MYO16: variants seen among roughly 807,000 people sequenced by gnomAD.
The protein encoded by MYO16 is unconventional myosin-XVI.
Under a neutral mutation model 205.3 loss-of-function variants are expected in MYO16, and 94 were observed. The ratio of observed to expected loss-of-function variants is 0.46; its 90% confidence interval spans 0.39 to 0.54. The LOEUF (loss-of-function observed/expected upper bound fraction) is 0.54, where lower values mean the gene tolerates loss of function less well. MYO16 is among the 20% of genes least tolerant of loss of function. The pLI is 0.00. For synonymous variants in MYO16, 988 were observed against 954.0 expected (o/e 1.04, Z -0.66); for missense variants, 2,315 against 2,387.5 (o/e 0.97, Z 0.63).
chr13:108,712,697 C>T lies in MYO16; in HGVS notation c.329C>T (p.Thr110Ile), dbSNP rs1241796663. Residue 110 changes from threonine (T) to isoleucine (I), a missense_variant, in exon 3 of 35, where the codon ACC becomes ATC. Transcript: ENST00000457511. ...CTGAAGGAGGGGGCAGACCCCCACACCCTCGTCTCCTCGGGAGGGTCCCTG... is the reference window on the plus strand; with the variant it reads ...CTGAAGGAGGGGGCAGACCCCCACATCCTCGTCTCCTCGGGAGGGTCCCTG... ...RLLKEGADPH[T>I]LVSSGGSLLH... The T allele has an allele frequency of 2.4e-5, 39 of 1,614,018 alleles. No homozygotes were observed. The highest frequency in any genetic ancestry group is 3.2e-5 in the Non-Finnish European group (38 of 1,179,994).
chr13:108,704,645 A>G lies in MYO16; in HGVS notation c.293-8016A>G, dbSNP rs182334958. ...CCTGTTATTAATCTCCCCCACCTGA[A>G]TGGTACACGTTTTACAATTGATAAA... On this transcript the variant is annotated intron_variant, in intron 2 of 34. Coordinates refer to ENST00000457511, the MANE Select transcript of MYO16 (RefSeq NM_001198950.3). Among the ~76,000 whole-genome samples the G allele has an allele frequency of 3.1e-4, 47 of 152,246 alleles. 1 individual carries two copies. In the East Asian group the frequency reaches 8.9e-3, roughly 29 times the overall value.
chr13:109,023,641 A>ATATGTATATATG (rs1886213221), intron 23 of MYO16, among the ~76,000 whole-genome samples: 2 of 108,668 alleles, frequency 1.8e-5, no homozygotes, highest in African/African-American at 3.2e-5. Context: ...AAATATATAT[A>ATATGTATATATG]CAAATATATG....
At chr13:108,672,339 A>T (rs1027000832) in intron 2 of MYO16, among the ~76,000 whole-genome samples, 1 of 152,220 alleles carries the variant, frequency 6.6e-6, no homozygotes, top group African/African-American at 2.4e-5. Flanking sequence ...ATAAGAAAAA[A>T]GTTTCCATTT....
rs141093960 is a variant in MYO16 at position 108,607,452 on chromosome 13, G to T, written c.-39+11213G>T. On this transcript the variant is annotated intron_variant, in intron 1 of 24. Transcript: ENST00000251041. ...CAGTGAGTGAATTATGAGATCTGAT[G>T]ATTTTATAAGGGGCTTTTCCTGCTT... is the stretch of plus-strand genomic sequence containing the variant. Among the ~76,000 whole-genome samples the T allele has an allele frequency of 2.6e-5, 4 of 152,240 alleles. No individual in the cohort carries two copies. The East Asian group carries it at 7.7e-4, about 29-fold the overall frequency.
the MYO16 span, among the ~76,000 whole-genome samples, chr13:108,511,475 T>C: frequency 0.014 from 222 of 15,312 alleles, 7 homozygotes; most frequent in South Asian, 0.048. Context: ...CTCTTTAGTT[T>C]AATTAGATCC....
At chr13:108,593,948 C>T (rs1878469623), upstream of MYO16, among the ~76,000 whole-genome samples, 1 of 152,220 alleles carries the variant, frequency 6.6e-6, no homozygotes, top group African/African-American at 2.4e-5. Context: ...TGGTGTTCCA[C>T]TGAACATAAA....
At position 108,880,763 on chromosome 13, in the gene MYO16, T is replaced by C. The variant is rs187093137; in HGVS notation, c.1426-2296T>C. ...CAGTACCATGCTGTTTTGGTTACTG[T>C]AGCCTTGTAGTATAGTTTGAAGTCA... On this transcript the variant is annotated intron_variant, in intron 12 of 34. Transcript: ENST00000457511. Among the ~76,000 whole-genome samples, 599 of 152,342 alleles carry C rather than the reference T, an allele frequency of 3.9e-3. 4 individuals carry two copies. Among genetic ancestry groups the C allele is most frequent in the African/African-American group, 0.014 (569 of 41,574 alleles).
intron 7 of MYO16, among the ~76,000 whole-genome samples, chr13:108,809,016 C>G (rs1887203118): frequency 6.6e-6 from 1 of 152,200 alleles, no homozygotes; most frequent in South Asian, 2.1e-4. Flanking sequence ...ATTCCAAAAA[C>G]TTCCCAAACT....
At position 108,867,278 on chromosome 13, in the gene MYO16, A is replaced by T. The variant is rs180702336; in HGVS notation, c.1425+1036A>T. On this transcript the variant is annotated intron_variant, in intron 12 of 34. Transcript: ENST00000457511. ...CTACTCAGGAGGCTGAGGCAGGAGG[A>T]TCACTTGGGCCCAAGAAGTTGAAGC... Among the ~76,000 whole-genome samples the T allele has an allele frequency of 2.0e-5, 3 of 152,294 alleles. No individual in the cohort carries two copies. The East Asian group carries it at 5.8e-4, about 29-fold the overall frequency.
At chr13:108,915,098 A>G (rs1289751737) in intron 16 of MYO16, among the ~76,000 whole-genome samples, 1 of 152,256 alleles carries the variant, frequency 6.6e-6, no homozygotes, top group African/African-American at 2.4e-5. Flanking sequence ...TAACATAGGA[A>G]TGATATCTAG....
chr13:109,089,501 C>T (rs1394456210), intron 27 of MYO16, among the ~76,000 whole-genome samples: 1 of 152,274 alleles, frequency 6.6e-6, no homozygotes, highest in East Asian at 1.9e-4. Context: ...AGACATGAGC[C>T]ACCGCACCTG....
chr13:109,038,613 ATAT>A (rs1886787601), intron 23 of MYO16, among the ~76,000 whole-genome samples: 1 of 152,036 alleles, frequency 6.6e-6, no homozygotes, highest in Non-Finnish European at 1.5e-5. Context: ...CAGACTATAT[ATAT>A]TATACTATAC....
At chr13:108,875,379 G>T (rs920856077) in intron 12 of MYO16, among the ~76,000 whole-genome samples, 6 of 152,122 alleles carry the variant, frequency 3.9e-5, no homozygotes, top group Non-Finnish European at 5.9e-5. Flanking sequence ...AGAAAACAGG[G>T]ACTGCATAAG....
intron 20 of MYO16, among the ~76,000 whole-genome samples, chr13:108,983,870 C>G (rs1003354710): frequency 6.6e-6 from 1 of 152,076 alleles, no homozygotes; most frequent in Non-Finnish European, 1.5e-5. Context: ...TTGAGTCCTC[C>G]CTCACCTCTC....
intron 33 of MYO16, among the ~76,000 whole-genome samples, chr13:109,168,277 G>T (rs894715572): frequency 6.6e-6 from 1 of 152,054 alleles, no homozygotes; most frequent in Non-Finnish European, 1.5e-5. Context: ...TATGAAAAAT[G>T]ATTAGCAGAA....
At chr13:108,804,205 C>T (rs1257205663) in intron 6 of MYO16, among the ~76,000 whole-genome samples, 1 of 152,186 alleles carries the variant, frequency 6.6e-6, no homozygotes, top group Non-Finnish European at 1.5e-5. Context: ...AAATAATTCA[C>T]GGCTTTTATA....
chr13:108,962,543 T>C (rs1594429390), intron 19 of MYO16, 48 bp downstream of exon 19: 3 of 1,333,090 alleles, frequency 2.3e-6, no homozygotes, highest in South Asian at 1.3e-5. Flanking sequence ...GAATCAAATA[T>C]GAAAATTAAA....
intron 16 of MYO16, among the ~76,000 whole-genome samples, chr13:108,942,335 A>C (rs886801513): frequency 1.3e-5 from 2 of 152,184 alleles, no homozygotes; most frequent in African/African-American, 4.8e-5. Context: ...TTGTGTTAAT[A>C]ATGTTTGAAG....
At chr13:108,688,139 C>T (rs1273635218) in intron 2 of MYO16, among the ~76,000 whole-genome samples, 3 of 152,014 alleles carry the variant, frequency 2.0e-5, no homozygotes, top group African/African-American at 7.2e-5. Context: ...AATTCTTTCT[C>T]TTGTAAAAAA....
Sources: gnomAD v4.1 joint callset for allele counts (sites outside exome capture counted in the v4.1 genomes callset) on GRCh38, gnomAD v4.1.1 for gene constraint, MANE v1.5 for transcripts, NCBI Gene and HGNC (gene_info 2026-07-23, HGNC 2026-07-21) for gene names.